FAM107B: variants seen among roughly 807,000 people sequenced by gnomAD.
The protein encoded by FAM107B is protein FAM107B.
Under a neutral mutation model 31.5 loss-of-function variants are expected in FAM107B, and 21 were observed. That is an observed-to-expected ratio of 0.67 (90% CI 0.47 to 0.96). FAM107B has a LOEUF of 0.96. Among genes scored for constraint, FAM107B ranks in the 40% least tolerant of loss-of-function variants. The probability of loss-of-function intolerance (pLI) is 0.00; values close to 1 mark genes in which losing one functional copy is unlikely to be tolerated. For missense variants in FAM107B, 452 were observed against 377.1 expected (o/e 1.20, Z -1.64); for synonymous variants, 157 against 141.5 (o/e 1.11, Z -0.78).
chr10:14,580,644 A>C (rs1224016299), intron 2 of FAM107B, among the ~76,000 whole-genome samples: 1 of 152,212 alleles, frequency 6.6e-6, no homozygotes, highest in Non-Finnish European at 1.5e-5. Context: ...AAAAGCCTTT[A>C]TTCATTCATG....
chr10:14,572,360 C>T lies in FAM107B; in HGVS notation c.470-41845G>A, dbSNP rs998648836. ...TGGGTGGGTACCAGGTTGCAACACT[C>T]ACACAACCTGACTGCAGGAAGCATG... On this transcript the variant is annotated intron_variant, in intron 2 of 4. Transcript: ENST00000181796. The T allele has an allele frequency of 5.1e-6, 5 of 985,302 alleles. No individual in the cohort carries two copies. The African/African-American group carries it at 8.7e-5, about 17-fold the overall frequency. The allele number at this position is 985,302 out of a possible 1,614,324, so 61.0% of individuals were successfully genotyped here. A position where few individuals can be genotyped will look rare whatever the true frequency, so the allele number is the denominator to read the frequency against.
At chr10:14,563,094 T>G (rs1295954117) in intron 2 of FAM107B, among the ~76,000 whole-genome samples, 1 of 152,088 alleles carries the variant, frequency 6.6e-6, no homozygotes, top group East Asian at 1.9e-4. Context: ...CACAGAAAGG[T>G]TACGATAGTC....
At chr10:14,620,019 T>TTC (rs1192288385) in intron 2 of FAM107B, among the ~76,000 whole-genome samples, 2 of 832 alleles carry the variant, frequency 2.4e-3, no homozygotes, top group Admixed American at 0.053. Flanking sequence ...CTTTCTTTCT[T>TTC]TTTTTTTTTT....
rs551814399 is a variant in FAM107B at position 14,656,853 on chromosome 10, T to G, written c.469+10781A>C. 5.9e-5 allele frequency among the ~76,000 whole-genome samples: 9 copies of G among 152,340 alleles called. No homozygotes were observed. The East Asian group carries it at 1.2e-3, about 20-fold the overall frequency. ...TGAAAATTTCATTCCTGGTAACCGG[T>G]AACTGGTTCACCTTACAACCTGGGC... On this transcript the variant is annotated intron_variant, in intron 2 of 4. Transcript: ENST00000181796.
At chr10:14,688,746 A>G (rs928623350) in intron 1 of FAM107B, among the ~76,000 whole-genome samples, 2 of 152,146 alleles carry the variant, frequency 1.3e-5, no homozygotes, top group Non-Finnish European at 2.9e-5. Context: ...TTTTCCAGAC[A>G]TCATTCCACA....
At chr10:14,746,883 T>C (rs1832736167) in intron 1 of FAM107B, among the ~76,000 whole-genome samples, 1 of 152,238 alleles carries the variant, frequency 6.6e-6, no homozygotes, top group African/African-American at 2.4e-5. Context: ...TCCTGAAGTA[T>C]GTTTTCCAAC....
chr10:14,547,673 G>A (rs1386021312), intron 2 of FAM107B, among the ~76,000 whole-genome samples: 2 of 152,192 alleles, frequency 1.3e-5, no homozygotes, highest in Non-Finnish European at 2.9e-5. Flanking sequence ...GGGATGTTCA[G>A]CCTGTATTTC....
chr10:14,585,245 C>A (rs1259088197), intron 2 of FAM107B, among the ~76,000 whole-genome samples: 2 of 152,136 alleles, frequency 1.3e-5, no homozygotes, highest in African/African-American at 4.8e-5. Context: ...TTGTCCAATT[C>A]TTTGTTCAAA....
At chr10:14,666,081 G>T (rs1403359521) in intron 2 of FAM107B, among the ~76,000 whole-genome samples, 1 of 152,150 alleles carries the variant, frequency 6.6e-6, no homozygotes, top group Non-Finnish European at 1.5e-5. Flanking sequence ...TGTCCAAGGT[G>T]CTAGGGATGC....
chr10:14,642,771 A>C (rs545980327), intron 2 of FAM107B, among the ~76,000 whole-genome samples: 1 of 152,338 alleles, frequency 6.6e-6, no homozygotes, highest in South Asian at 2.1e-4. Flanking sequence ...TTTGCTTAGA[A>C]AACTACTCAG....
chr10:14,760,521 G>A (rs17155892), intron 1 of FAM107B, among the ~76,000 whole-genome samples: 11,429 of 149,932 alleles, frequency 0.076, 510 homozygotes, highest in South Asian at 0.11. Context: ...AATAGCACAT[G>A]GAGAAGCATA....
At chr10:14,645,477 G>A (rs1853729015) in intron 2 of FAM107B, among the ~76,000 whole-genome samples, 1 of 129,406 alleles carries the variant, frequency 7.7e-6, no homozygotes, top group Admixed American at 7.5e-5. Flanking sequence ...GATTCAGATG[G>A]TCCTTTCTTC....
intron 1 of FAM107B, among the ~76,000 whole-genome samples, chr10:14,757,623 C>T (rs187734672): frequency 1.3e-5 from 2 of 152,256 alleles, no homozygotes; most frequent in Admixed American, 6.5e-5. Context: ...TGATGACTTC[C>T]GCAGGCAGCT....
chr10:14,748,881 GCC>G (rs1190354412), intron 1 of FAM107B, among the ~76,000 whole-genome samples: 1 of 152,160 alleles, frequency 6.6e-6, no homozygotes, highest in Non-Finnish European at 1.5e-5. Context: ...AAATTCCAGG[GCC>G]CTCAAGGCCT....
intron 2 of FAM107B, among the ~76,000 whole-genome samples, chr10:14,531,474 T>C (rs528987677): frequency 1.3e-5 from 2 of 150,658 alleles, no homozygotes; most frequent in Non-Finnish European, 1.5e-5. Flanking sequence ...TGGGCTATGA[T>C]TGCACCACCG....
intron 3 of FAM107B, among the ~76,000 whole-genome samples, chr10:14,526,279 TTC>T (rs1846217896): frequency 6.6e-6 from 1 of 152,224 alleles, no homozygotes; most frequent in Non-Finnish European, 1.5e-5. Flanking sequence ...GTTCAAGCTA[TTC>T]TCCTGCCTCA....
At chr10:14,771,077 G>A (rs774784585) in intron 1 of FAM107B, among the ~76,000 whole-genome samples, 10 of 148,216 alleles carry the variant, frequency 6.7e-5, no homozygotes, top group South Asian at 4.3e-4. Flanking sequence ...ATATTTTTCC[G>A]CCAGGCAAGA....
At chr10:14,746,408 G>C (rs1373169695) in intron 1 of FAM107B, among the ~76,000 whole-genome samples, 1 of 152,198 alleles carries the variant, frequency 6.6e-6, no homozygotes, top group Non-Finnish European at 1.5e-5. Context: ...TTGTATTTCA[G>C]TGAGTTTTTG....
At chr10:14,646,506 T>C (rs558479731) in intron 2 of FAM107B, among the ~76,000 whole-genome samples, 1 of 152,346 alleles carries the variant, frequency 6.6e-6, no homozygotes, top group African/African-American at 2.4e-5. Context: ...AAGACATTTA[T>C]TCTTTTTTAT....
Sources: gnomAD v4.1 joint callset for allele counts (sites outside exome capture counted in the v4.1 genomes callset) on GRCh38, gnomAD v4.1.1 for gene constraint, MANE v1.5 for transcripts, NCBI Gene and HGNC (gene_info 2026-07-23, HGNC 2026-07-21) for gene names.